The following CCDC175 variants were observed in gnomAD, a reference collection of about 807,000 sequenced individuals.
CCDC175 encodes coiled-coil domain-containing protein 175.
A neutral mutation model predicts 114.6 loss-of-function variants in CCDC175; 100 were observed. The ratio of observed to expected loss-of-function variants is 0.87; its 90% confidence interval spans 0.74 to 1.03. The LOEUF (loss-of-function observed/expected upper bound fraction) is 1.03, where lower values mean the gene tolerates loss of function less well. Ranked by LOEUF, CCDC175 falls within the 50% of genes least tolerant of loss-of-function variation. The probability of loss-of-function intolerance (pLI) is 0.00; values close to 1 mark genes in which losing one functional copy is unlikely to be tolerated. For synonymous variants in CCDC175, 306 were observed against 308.7 expected (o/e 0.99, Z 0.09); for missense variants, 880 against 917.8 (o/e 0.96, Z 0.53).
In CCDC175 at chr14:59,561,177, AC is replaced by A; in HGVS notation, c.894del (p.Arg298SerfsTer10). The A allele has an allele frequency of 3.9e-6, 6 of 1,535,910 alleles. No homozygotes were observed. The highest frequency in any genetic ancestry group is 5.2e-6 in the Non-Finnish European group (6 of 1,145,958). On this transcript the variant is annotated frameshift_variant, in exon 7 of 20. Coordinates refer to ENST00000537690, the MANE Select transcript of CCDC175 (RefSeq NM_001164399.2). LOFTEE classifies it high-confidence loss of function. The stretch of plus-strand genomic sequence containing the variant: ...AGCTCACTGACCTCTTGTTCCCAAT[AC>A]CTTATTGATTCGTGTAGTCGTGCTA... ...LEIARLHESIRYWEQEVSELK... is the reference protein window; with the variant it reads ...LEIARLHESIXYWEQEVSELK...
chr14:59,567,421 C>G (rs749657454), intron 4 of CCDC175, among the ~76,000 whole-genome samples: 47 of 152,172 alleles, frequency 3.1e-4, no homozygotes, highest in Non-Finnish European at 5.4e-4. Context: ...CCAGGCAACC[C>G]TCTGATTATT....
At chr14:59,517,951 T>C (rs1236666671) in intron 17 of CCDC175, among the ~76,000 whole-genome samples, 3 of 152,274 alleles carry the variant, frequency 2.0e-5, no homozygotes, top group East Asian at 1.9e-4. Context: ...CAAGACAGCA[T>C]GGTACTGGTA....
chr14:59,557,970 A>G (rs1896014065), intron 7 of CCDC175, among the ~76,000 whole-genome samples: 1 of 152,198 alleles, frequency 6.6e-6, no homozygotes, highest in African/African-American at 2.4e-5. Flanking sequence ...TGCTCCAAAG[A>G]ACGCAAAGTA....
chr14:59,538,708 G>A lies in CCDC175; in HGVS notation c.1488C>T (p.Asn496=), dbSNP rs199705903. Residue 496 remains asparagine, a synonymous_variant, in exon 12 of 20, where the codon AAC becomes AAT. Coordinates refer to ENST00000537690, the MANE Select transcript of CCDC175 (RefSeq NM_001164399.2). The part of the protein sequence containing the change: ...NAEVRRIELL[N]ETSFRQQEIS... ...TAAGTTCTTTCAGTTCTCTTACCTC[G>A]TTAAGTAATTCAATTCGTCTAACTT... The A allele has an allele frequency of 2.3e-5, 35 of 1,533,748 alleles. No homozygotes were observed. Among genetic ancestry groups the A allele is most frequent in the East Asian group, 2.0e-4 (8 of 40,828 alleles).
chr14:59,571,231 G>A (rs1896831886), intron 3 of CCDC175, among the ~76,000 whole-genome samples: 1 of 151,266 alleles, frequency 6.6e-6, no homozygotes, highest in Non-Finnish European at 1.5e-5. Context: ...CATAGGGAAA[G>A]CCTTCATGGC....
intron 18 of CCDC175, among the ~76,000 whole-genome samples, chr14:59,511,114 G>T (rs10132560): frequency 1.4e-4 from 22 of 151,884 alleles, no homozygotes; most frequent in African/African-American, 5.1e-4. Flanking sequence ...GAGCTGAAGA[G>T]ATTCAGCCTA....
chr14:59,530,247 A>T (rs1472532719), intron 14 of CCDC175, among the ~76,000 whole-genome samples: 2 of 149,592 alleles, frequency 1.3e-5, no homozygotes, highest in Non-Finnish European at 2.9e-5. Flanking sequence ...CACACCTGTA[A>T]TCCCAGCTAC....
intron 16 of CCDC175, among the ~76,000 whole-genome samples, chr14:59,522,198 C>T (rs932075754): frequency 3.3e-5 from 5 of 152,144 alleles, no homozygotes; most frequent in African/African-American, 1.2e-4. Flanking sequence ...GTTCTGACCA[C>T]CCAATGCCCA....
intron 1 of CCDC175, among the ~76,000 whole-genome samples, 164 bp downstream of exon 1, chr14:59,576,455 G>T (rs919608232): frequency 5.3e-5 from 8 of 152,120 alleles, no homozygotes; most frequent in Non-Finnish European, 7.4e-5. Flanking sequence ...GGTCCCACCC[G>T]CCACCTCTCT....
chr14:59,521,716 T>A (rs1009010280), intron 16 of CCDC175, 40 bp from the exon 17 acceptor site: 3 of 1,103,208 alleles, frequency 2.7e-6, no homozygotes, highest in Non-Finnish European at 4.0e-6. Context: ...AGCAGTTTAG[T>A]TACTATAGAT....
At chr14:59,541,803 G>C (rs942608483) in intron 10 of CCDC175, among the ~76,000 whole-genome samples, 2 of 152,182 alleles carry the variant, frequency 1.3e-5, no homozygotes, top group African/African-American at 2.4e-5. Context: ...CTGGTGACCA[G>C]AGCAATTATG....
intron 6 of CCDC175, among the ~76,000 whole-genome samples, chr14:59,562,526 G>T (rs532829829): frequency 6.6e-6 from 1 of 152,164 alleles, no homozygotes; most frequent in Non-Finnish European, 1.5e-5. Flanking sequence ...AGATTTGAAC[G>T]CAGCTCTGTG....
chr14:59,551,680 C>A (rs761978403), intron 7 of CCDC175, among the ~76,000 whole-genome samples: 7 of 152,192 alleles, frequency 4.6e-5, no homozygotes, highest in Non-Finnish European at 7.3e-5. Flanking sequence ...CATCACCTCA[C>A]CTAGGAAGCA....
At position 59,572,713 on chromosome 14, in the gene CCDC175, C is replaced by A; in HGVS notation, c.344G>T (p.Arg115Met). 6.7e-7 allele frequency: 1 copy of A among 1,493,662 alleles called. No individual in the cohort carries two copies. The highest frequency in any genetic ancestry group is 2.5e-5 in the East Asian group (1 of 39,294). 92.5% of individuals were successfully genotyped at this position (1,493,662 alleles called of 1,614,324 possible). A position where few individuals can be genotyped will look rare whatever the true frequency, so the allele number is the denominator to read the frequency against. The stretch of plus-strand genomic sequence containing the variant: ...AACCTCAAAAGTACCTTCCAATTCC[C>A]TCTTAATGCTATTGGGAAGAGTTTC... ...LLETLPNSIKRELEECVRDAR... is the reference protein window; with the variant it reads ...LLETLPNSIKMELEECVRDAR... The change falls in exon 3 of 20, where the codon AGG (arginine) becomes ATG (methionine). Residue 115 changes from arginine to methionine, a missense_variant. By Grantham distance (91) the Arg-to-Met change is moderately conservative (BLOSUM62 -1). Coordinates refer to ENST00000537690, the MANE Select transcript of CCDC175 (RefSeq NM_001164399.2).
intron 17 of CCDC175, among the ~76,000 whole-genome samples, chr14:59,513,175 C>G (rs1892848963): frequency 1.3e-5 from 2 of 152,066 alleles, no homozygotes; most frequent in Admixed American, 6.6e-5. Flanking sequence ...AAAAAGTTCA[C>G]TTGAGGGGGG....
At chr14:59,505,925 G>A (rs1052108409) in intron 19 of CCDC175, among the ~76,000 whole-genome samples, 20 of 151,998 alleles carry the variant, frequency 1.3e-4, no homozygotes, top group Non-Finnish European at 2.4e-4. Context: ...TTCAGATTTT[G>A]GAATATTTGC....
At chr14:59,551,128 GA>G in intron 8 of CCDC175, 1 of 336,060 alleles carries the variant, frequency 3.0e-6, no homozygotes. Flanking sequence ...ATACTCACAT[GA>G]AAAGTTACCA....
intron 4 of CCDC175, among the ~76,000 whole-genome samples, chr14:59,566,902 A>G (rs1410136266): frequency 1.3e-5 from 2 of 152,190 alleles, no homozygotes; most frequent in African/African-American, 4.8e-5. Context: ...AGATTTGTCT[A>G]GAGCAGTGGT....
At chr14:59,545,416 T>A in intron 8 of CCDC175, 117 bp from the exon 9 acceptor site, 1 of 725,764 alleles carries the variant, frequency 1.4e-6, no homozygotes, top group South Asian at 2.2e-5. Flanking sequence ...ACCGTGAATA[T>A]GCCATAAATG....
Sources: gnomAD v4.1 joint callset for allele counts (sites outside exome capture counted in the v4.1 genomes callset) on GRCh38, gnomAD v4.1.1 for gene constraint, MANE v1.5 for transcripts, NCBI Gene and HGNC (gene_info 2026-07-23, HGNC 2026-07-21) for gene names.